The following NPAS3 variants were observed in gnomAD, a reference collection of about 807,000 sequenced individuals.
The protein encoded by NPAS3 is neuronal PAS domain protein 3.
NPAS3 carries 14 observed loss-of-function variants against 73.1 expected under a neutral mutation model. That is an observed-to-expected ratio of 0.19 (90% confidence interval 0.13 to 0.30). The LOEUF is 0.30. Among genes scored for constraint, NPAS3 ranks in the 10% least tolerant of loss-of-function variants. The pLI is 1.00. For missense variants in NPAS3, 1,096 were observed against 1,250.0 expected, an observed-to-expected ratio of 0.88 and a Z score of 1.86; for synonymous variants, 620 against 541.5, an observed-to-expected ratio of 1.14 and a Z score of -2.01.
At chr14:33,538,013 C>T (rs767674349) in intron 4 of NPAS3, among the ~76,000 whole-genome samples, 23 of 151,862 alleles carry the variant, frequency 1.5e-4, no homozygotes, top group Admixed American at 7.9e-4. Context: ...AGCTAAGCAT[C>T]GGGTTGTGGT....
chr14:33,327,191 G>T (rs781069374), intron 3 of NPAS3, among the ~76,000 whole-genome samples: 1 of 152,110 alleles, frequency 6.6e-6, no homozygotes, highest in African/African-American at 2.4e-5. Context: ...TGTTTGAAAG[G>T]CTTCTGTACC....
intron 1 of NPAS3, among the ~76,000 whole-genome samples, chr14:33,031,784 G>A (rs1183006541): frequency 6.6e-6 from 1 of 152,246 alleles, no homozygotes; most frequent in East Asian, 1.9e-4. Context: ...TTACAGGTAT[G>A]AGCCACTGTA....
chr14:32,953,949 G>A (rs924499391), intron 1 of NPAS3, among the ~76,000 whole-genome samples: 10 of 152,114 alleles, frequency 6.6e-5, no homozygotes, highest in African/African-American at 2.2e-4. Context: ...ACAGTTAATA[G>A]TACTTTGTCT....
At chr14:33,122,552 A>G (rs1051822930) in intron 2 of NPAS3, among the ~76,000 whole-genome samples, 2 of 152,152 alleles carry the variant, frequency 1.3e-5, no homozygotes, top group Non-Finnish European at 2.9e-5. Flanking sequence ...TTCTGCTAAT[A>G]CTATTATCAG....
intron 2 of NPAS3, among the ~76,000 whole-genome samples, chr14:33,064,471 G>GT (rs2041213737): frequency 6.6e-6 from 1 of 152,096 alleles, no homozygotes; most frequent in South Asian, 2.1e-4. Context: ...TTGGATTTGT[G>GT]TTACCTTGGA....
At chr14:33,409,310 A>G (rs1243534011) in intron 4 of NPAS3, among the ~76,000 whole-genome samples, 1 of 152,168 alleles carries the variant, frequency 6.6e-6, no homozygotes, top group Non-Finnish European at 1.5e-5. Context: ...ATTTATCACA[A>G]AAGAATAATT....
intron 4 of NPAS3, among the ~76,000 whole-genome samples, chr14:33,547,096 G>A (rs1343621601): frequency 6.6e-6 from 1 of 152,138 alleles, no homozygotes; most frequent in Admixed American, 6.5e-5. Flanking sequence ...AAGACTTAAG[G>A]TTGTGTTTGT....
rs1289880868 is a variant in NPAS3, at chr14:33,223,169, G to A, written c.385+7743G>A. 2.0e-5 allele frequency among the ~76,000 whole-genome samples: 3 copies of A among 152,180 alleles called. 1 individual carries two copies. Among genetic ancestry groups the A allele is most frequent in the Admixed American group, 6.5e-5 (1 of 15,284 alleles). On this transcript the variant is annotated intron_variant, in intron 3 of 11. Coordinates refer to ENST00000356141, the Ensembl canonical transcript of NPAS3. ...TACTAAAAAATACAAAAATTAGCCAGGTGTCGTGGCAAGTGCCTGTAATCC... is the reference window on the plus strand; with the variant it reads ...TACTAAAAAATACAAAAATTAGCCAAGTGTCGTGGCAAGTGCCTGTAATCC...
intron 8 of NPAS3, among the ~76,000 whole-genome samples, chr14:33,776,529 A>C (rs2062823704): frequency 1.5e-5 from 1 of 65,828 alleles, no homozygotes; most frequent in African/African-American, 7.7e-5. Context: ...CTTAAAAAAA[A>C]AAAAAAAAAA....
At chr14:33,362,099 G>A in intron 3 of NPAS3, among the ~76,000 whole-genome samples, 1 of 152,114 alleles carries the variant, frequency 6.6e-6, no homozygotes, top group East Asian at 1.9e-4. Context: ...TTCACATACA[G>A]TGCTTTCAAC....
intron 6 of NPAS3, among the ~76,000 whole-genome samples, chr14:33,719,914 G>T (rs925194281): frequency 3.9e-5 from 6 of 152,038 alleles, no homozygotes; most frequent in African/African-American, 1.5e-4. Context: ...AATTGTCGGG[G>T]CATCATTGGC....
At chr14:33,140,709 G>A (rs1346011258) in intron 2 of NPAS3, among the ~76,000 whole-genome samples, 2 of 151,990 alleles carry the variant, frequency 1.3e-5, no homozygotes, top group African/African-American at 4.8e-5. Flanking sequence ...CTAAAAAATG[G>A]TCTTTAAAAA....
At chr14:33,486,100 A>G (rs1008299074) in intron 4 of NPAS3, among the ~76,000 whole-genome samples, 2 of 151,982 alleles carry the variant, frequency 1.3e-5, no homozygotes, top group Non-Finnish European at 2.9e-5. Flanking sequence ...CAAGTCCTGC[A>G]CTGTTATACT....
At chr14:33,216,972 A>G (rs775702686) in intron 3 of NPAS3, among the ~76,000 whole-genome samples, 4 of 152,222 alleles carry the variant, frequency 2.6e-5, no homozygotes, top group Non-Finnish European at 5.9e-5. Flanking sequence ...AGATTGTATT[A>G]TGCTATAAAA....
At chr14:33,635,522 C>T (rs1259953621) in intron 5 of NPAS3, among the ~76,000 whole-genome samples, 1 of 152,100 alleles carries the variant, frequency 6.6e-6, no homozygotes, top group East Asian at 1.9e-4. Flanking sequence ...GGCTGCAGAC[C>T]CAGAGGCTCG....
chr14:33,022,063 C>T (rs1477673366), intron 1 of NPAS3, among the ~76,000 whole-genome samples: 2 of 152,198 alleles, frequency 1.3e-5, no homozygotes, highest in Non-Finnish European at 1.5e-5. Flanking sequence ...ACTTTTCCCA[C>T]CTTATTCACC....
At chr14:33,568,556 T>C (rs1343101055) in intron 5 of NPAS3, among the ~76,000 whole-genome samples, 1 of 152,128 alleles carries the variant, frequency 6.6e-6, no homozygotes, top group African/African-American at 2.4e-5. Flanking sequence ...GAATGATGAG[T>C]GAATGCAAAC....
chr14:33,111,615 A>C lies in NPAS3; in HGVS notation c.140+55621A>C, dbSNP rs2042894615. Among the ~76,000 whole-genome samples, 3 of 151,554 alleles carry C rather than the reference A, an allele frequency of 2.0e-5. No homozygotes were observed. In the South Asian group the frequency reaches 6.2e-4, roughly 31 times the overall value. On this transcript the variant is annotated intron_variant, in intron 2 of 11. Coordinates refer to ENST00000356141, the Ensembl canonical transcript of NPAS3. The stretch of plus-strand genomic sequence containing the variant: ...GAATTTACTTTGCATCATTTAAAAA[A>C]ATACATTATTGAAGACCTGCACAGT...
intron 4 of NPAS3, among the ~76,000 whole-genome samples, chr14:33,457,606 C>G (rs1025955011): frequency 6.6e-6 from 1 of 152,154 alleles, no homozygotes; most frequent in East Asian, 1.9e-4. Flanking sequence ...ATTTTCCCAT[C>G]AGATTTTAGC....
Sources: allele counts gnomAD v4.1 joint callset (sites outside exome capture counted in the v4.1 genomes callset), GRCh38; gene constraint gnomAD v4.1.1; transcripts MANE v1.5; gene names NCBI Gene and HGNC (gene_info 2026-07-23, HGNC 2026-07-21).